The following CNKSR2 variants were observed in gnomAD, a reference collection of about 807,000 sequenced individuals.
CNKSR2 encodes the protein CNK homolog protein 2.
In CNKSR2, 14 loss-of-function variants were observed where a neutral mutation model predicts 84.4. The observed-to-expected ratio is 0.17, with a 90% CI of 0.11 to 0.26. The LOEUF is 0.26. Ranked by LOEUF, CNKSR2 falls within the 10% of genes least tolerant of loss-of-function variation. The pLI is 1.00. For synonymous variants in CNKSR2, 275 were observed against 277.9 expected, an observed-to-expected ratio of 0.99 and a Z score of 0.10; for missense variants, 485 against 771.2, an observed-to-expected ratio of 0.63 and a Z score of 4.40.
At chrX:21,546,608 C>T (rs1158811356) in intron 11 of CNKSR2, among the ~76,000 whole-genome samples, 2 of 110,416 alleles carry the variant, frequency 1.8e-5, no homozygotes, top group African/African-American at 3.3e-5. Flanking sequence ...AGAAAAGCAA[C>T]GCCAGGACAC....
chrX:21,388,081 A>G (rs943890007), intron 1 of CNKSR2, among the ~76,000 whole-genome samples: 13 of 110,308 alleles, frequency 1.2e-4, no homozygotes, highest in African/African-American at 4.0e-4. Context: ...TTGTATTTTT[A>G]GTGTACACAA....
chrX:21,375,133 T>C (rs2089789928), intron 1 of CNKSR2, among the ~76,000 whole-genome samples, 172 bp downstream of exon 1: 3 of 112,095 alleles, frequency 2.7e-5, no homozygotes, highest in African/African-American at 9.7e-5. Context: ...GGGTCCCCGG[T>C]CTCCTTTTGT....
chrX:21,423,853 T>C (rs963590791), intron 1 of CNKSR2: 2 of 111,208 alleles, frequency 1.8e-5, no homozygotes, highest in Non-Finnish European at 3.8e-5. Context: ...TAGAAGAGTG[T>C]GATTTCATTA....
chrX:21,375,055 C>T, intron 1 of CNKSR2, 94 bp downstream of exon 1: 1 of 751,264 alleles, frequency 1.3e-6, no homozygotes, highest in Non-Finnish European at 2.1e-6. Flanking sequence ...GAGCCCGCCA[C>T]CGCGGCTTCC....
chrX:21,375,618 T>TC (rs1158284198), intron 1 of CNKSR2, among the ~76,000 whole-genome samples: 1 of 112,064 alleles, frequency 8.9e-6, no homozygotes, highest in Non-Finnish European at 1.9e-5. Flanking sequence ...CTCCAGCGCA[T>TC]CCCCTCGCAT....
intron 18 of CNKSR2, among the ~76,000 whole-genome samples, chrX:21,603,372 C>A (rs6633426): frequency 0.038 from 4,229 of 111,591 alleles, 195 homozygotes; most frequent in African/African-American, 0.13. Flanking sequence ...TCTACTTCAC[C>A]CTTCTGTAGA....
chrX:21,499,243 C>A (rs1404076962), intron 7 of CNKSR2, among the ~76,000 whole-genome samples: 2 of 111,841 alleles, frequency 1.8e-5, no homozygotes, highest in East Asian at 2.8e-4. Context: ...ATTTAACAGA[C>A]CTCTGCTTCA....
At chrX:21,386,689 G>A (rs2089974900) in intron 1 of CNKSR2, among the ~76,000 whole-genome samples, 1 of 112,206 alleles carries the variant, frequency 8.9e-6, no homozygotes, top group African/African-American at 3.2e-5. Context: ...AGGTGAGTTT[G>A]CTTCAGACTG....
intron 5 of CNKSR2, among the ~76,000 whole-genome samples, chrX:21,479,270 C>T (rs1241623266): frequency 9.0e-6 from 1 of 111,476 alleles, no homozygotes; most frequent in African/African-American, 3.3e-5. Context: ...AGTAGTATTC[C>T]ATGGTGTGTG....
intron 8 of CNKSR2, among the ~76,000 whole-genome samples, chrX:21,510,641 T>C (rs898596756): frequency 4.5e-5 from 5 of 111,620 alleles, no homozygotes; most frequent in African/African-American, 1.6e-4. Flanking sequence ...TGCCCACTTA[T>C]GTTGTCCTTC....
intron 1 of CNKSR2, among the ~76,000 whole-genome samples, chrX:21,420,878 C>T (rs1324790302): frequency 8.1e-5 from 9 of 111,255 alleles, no homozygotes; most frequent in African/African-American, 2.9e-4. Flanking sequence ...TCTTGGCCAC[C>T]CTGGCTGGTG....
intron 1 of CNKSR2, among the ~76,000 whole-genome samples, chrX:21,397,262 TG>T (rs1334710749): frequency 2.7e-5 from 3 of 111,795 alleles, no homozygotes; most frequent in Non-Finnish European, 5.7e-5. Flanking sequence ...AGTGGTTTGC[TG>T]TGCTGAATAA....
At chrX:21,649,096 G>A in intron 21 of CNKSR2, 69 bp downstream of exon 21, 3 of 818,638 alleles carry the variant, frequency 3.7e-6, no homozygotes, top group East Asian at 3.2e-5. Flanking sequence ...ACCAGATACT[G>A]TAGGTTAAGA....
At chrX:21,642,955 G>T in intron 20 of CNKSR2, 1 of 327,753 alleles carries the variant, frequency 3.1e-6, no homozygotes, top group Non-Finnish European at 4.0e-6. Flanking sequence ...CCATCAAAAA[G>T]CATTTTATTG....
rs57301315 is a variant in CNKSR2, at chrX:21,409,228, T to TTA, written c.65-17219_65-17218dup. Among the ~76,000 whole-genome samples the TTA allele has an allele frequency of 4.5e-3, 174 of 38,407 alleles. 1 individual carries two copies. Among genetic ancestry groups the TTA allele is most frequent in the Non-Finnish European group, 6.0e-3 (121 of 20,306 alleles). 33.4% of individuals were successfully genotyped at this position (38,407 alleles called of 115,157 possible). On this transcript the variant is annotated intron_variant, in intron 1 of 21. Transcript: ENST00000379510. Reference sequence around the variant, plus strand: ...AAACCTTACATAAAAAATGAAAAAATTATATATATATATATATATATATAT... The same window carrying TTA: ...AAACCTTACATAAAAAATGAAAAAATTATATATATATATATATATATATATAT...
intron 5 of CNKSR2, among the ~76,000 whole-genome samples, chrX:21,487,832 G>T (rs2091401131): frequency 8.9e-6 from 1 of 112,068 alleles, no homozygotes; most frequent in South Asian, 3.7e-4. Flanking sequence ...GGGATTCCAG[G>T]ATGGGCCACA....
At chrX:21,502,880 CT>C (rs2091573690) in intron 8 of CNKSR2, among the ~76,000 whole-genome samples, 1 of 111,262 alleles carries the variant, frequency 9.0e-6, no homozygotes, top group African/African-American at 3.3e-5. Context: ...GTTGTTCTGA[CT>C]GAAGTTTCCT....
chrX:21,475,978 A>T (rs776822475), intron 5 of CNKSR2, among the ~76,000 whole-genome samples: 3 of 111,447 alleles, frequency 2.7e-5, no homozygotes, highest in South Asian at 7.7e-4. Context: ...CGGATTAGAG[A>T]TACTCAACCT....
rs764116243 is a variant in CNKSR2, at chrX:21,465,448, C to A, written c.520-5318C>A. Reference sequence around the variant, plus strand: ...GTATAATATTCATTGCTTAAATTAACCCCTTAGGCATGTAAAGACATTTTG... The same window carrying A: ...GTATAATATTCATTGCTTAAATTAAACCCTTAGGCATGTAAAGACATTTTG... On this transcript the variant is annotated intron_variant, in intron 4 of 21. Transcript: ENST00000379510. Among the ~76,000 whole-genome samples, 9 of 111,026 alleles carry A rather than the reference C, an allele frequency of 8.1e-5. No individual in the cohort carries two copies. The East Asian group carries it at 2.5e-3, about 31-fold the overall frequency.
Sources: gnomAD v4.1 joint callset for allele counts (sites outside exome capture counted in the v4.1 genomes callset) on GRCh38, gnomAD v4.1.1 for gene constraint, MANE v1.5 for transcripts, NCBI Gene and HGNC (gene_info 2026-07-23, HGNC 2026-07-21) for gene names.